GAREM1: variants seen among roughly 807,000 people sequenced by gnomAD.
GAREM1 encodes GRB2 associated regulator of MAPK1 subtype 1.
In GAREM1, 26 loss-of-function variants were observed where a neutral mutation model predicts 71.3. The observed-to-expected ratio is 0.36, with a 90% CI of 0.27 to 0.51. GAREM1 has a LOEUF of 0.51. GAREM1 is among the 20% of genes least tolerant of loss of function. GAREM1 has a pLI of 0.95. For synonymous variants in GAREM1, 440 were observed against 433.2 expected, an observed-to-expected ratio of 1.02 and a Z score of -0.20; for missense variants, 1,026 against 1,103.1, an observed-to-expected ratio of 0.93 and a Z score of 0.99.
chr18:32,396,296 G>A (rs1274091017), intron 1 of GAREM1, among the ~76,000 whole-genome samples: 38 of 152,184 alleles, frequency 2.5e-4, no homozygotes, highest in Admixed American at 2.5e-3. Context: ...GCCAGCAATG[G>A]AACAAAGGTG....
intron 4 of GAREM1, 89 bp downstream of exon 4, chr18:32,286,942 G>T (rs2047024346): frequency 1.1e-6 from 1 of 947,404 alleles, no homozygotes; most frequent in Admixed American, 2.1e-5. Context: ...GCAATCTTCA[G>T]TTGGGGAGTT....
chr18:32,364,323 C>A (rs990964764), intron 2 of GAREM1, among the ~76,000 whole-genome samples: 1 of 151,760 alleles, frequency 6.6e-6, no homozygotes, highest in African/African-American at 2.4e-5. Flanking sequence ...GCATGAGCCA[C>A]TACACCCGGC....
intron 2 of GAREM1, among the ~76,000 whole-genome samples, chr18:32,338,589 G>A (rs2047619230): frequency 6.6e-6 from 1 of 152,180 alleles, no homozygotes; most frequent in African/African-American, 2.4e-5. Flanking sequence ...CAACAGCAAA[G>A]CTCCTTAACA....
rs2041391220 is a variant in GAREM1, at chr18:32,267,574, A to G, written c.*297T>C. On this transcript the variant is annotated 3_prime_UTR_variant, in exon 6 of 6. Coordinates refer to ENST00000269209, the MANE Select transcript of GAREM1 (RefSeq NM_001242409.2). ...TGTAATAAATATCATACCTTCTCAC[A>G]TAAACCTACTTGGGTAAGAATGATT... The G allele has an allele frequency of 3.9e-6, 1 of 255,358 alleles. No individual in the cohort carries two copies. Among genetic ancestry groups the G allele is most frequent in the African/African-American group, 2.2e-5 (1 of 44,880 alleles). The allele number at this position is 255,358 out of a possible 1,614,324, so 15.8% of individuals were successfully genotyped here.
At chr18:32,328,096 A>G (rs2144551197) in intron 2 of GAREM1, among the ~76,000 whole-genome samples, 1 of 152,296 alleles carries the variant, frequency 6.6e-6, no homozygotes, top group African/African-American at 2.4e-5. Flanking sequence ...TTTCAAAGAT[A>G]TTTATTTATC....
At chr18:32,438,026 A>T (rs539677997) in intron 1 of GAREM1, among the ~76,000 whole-genome samples, 57 of 152,284 alleles carry the variant, frequency 3.7e-4, no homozygotes, top group Non-Finnish European at 7.1e-4. Context: ...CTAAAGTCTA[A>T]GATAAAAAAC....
At chr18:32,276,689 T>C (rs868407907) in intron 4 of GAREM1, among the ~76,000 whole-genome samples, 1 of 152,132 alleles carries the variant, frequency 6.6e-6, no homozygotes, top group Admixed American at 6.5e-5. Flanking sequence ...TGGGCTTAGA[T>C]GATGAAACAA....
At chr18:32,399,621 T>A (rs2048292008) in intron 1 of GAREM1, among the ~76,000 whole-genome samples, 1 of 152,094 alleles carries the variant, frequency 6.6e-6, no homozygotes, top group Non-Finnish European at 1.5e-5. Context: ...AGAAGGGAAG[T>A]GAAGGACCTC....
intron 1 of GAREM1, among the ~76,000 whole-genome samples, chr18:32,428,662 A>G (rs1209689008): frequency 2.0e-5 from 3 of 152,190 alleles, no homozygotes; most frequent in Non-Finnish European, 4.4e-5. Context: ...TCTTTTTTAA[A>G]TAAATTACTT....
intron 1 of GAREM1, among the ~76,000 whole-genome samples, chr18:32,408,028 T>C (rs1165559663): frequency 6.6e-6 from 1 of 152,116 alleles, no homozygotes; most frequent in Non-Finnish European, 1.5e-5. Flanking sequence ...AAGGAAGTAC[T>C]GTCTAAGCCT....
rs552504526 is a variant in GAREM1, at chr18:32,348,521, C to T, written c.263-38198G>A. Among the ~76,000 whole-genome samples the T allele has an allele frequency of 1.3e-3, 192 of 152,124 alleles. 1 individual carries two copies. Among genetic ancestry groups the T allele is most frequent in the African/African-American group, 4.4e-3 (184 of 41,486 alleles). On this transcript the variant is annotated intron_variant, in intron 2 of 5. Transcript: ENST00000269209. Reference sequence around the variant, plus strand: ...GGCAGATCACTTGAGGCCAGGAGTTCGAGACCAGCCTGGCCAACATGGTGA... The same window carrying T: ...GGCAGATCACTTGAGGCCAGGAGTTTGAGACCAGCCTGGCCAACATGGTGA...
At chr18:32,270,102 C>T (rs900507072) in intron 5 of GAREM1, 115 bp downstream of exon 5, 10 of 1,088,312 alleles carry the variant, frequency 9.2e-6, no homozygotes, top group Admixed American at 8.1e-5. Context: ...AATTAAAAAG[C>T]CATTTCCTCT....
At chr18:32,364,742 T>C (rs1408487898) in intron 2 of GAREM1, among the ~76,000 whole-genome samples, 1 of 152,204 alleles carries the variant, frequency 6.6e-6, no homozygotes, top group South Asian at 2.1e-4. Context: ...AGAAAAATTC[T>C]TTATGAACAC....
intron 3 of GAREM1, among the ~76,000 whole-genome samples, chr18:32,289,324 C>T (rs990107497): frequency 6.6e-6 from 1 of 152,144 alleles, no homozygotes; most frequent in Non-Finnish European, 1.5e-5. Flanking sequence ...ACTTTTATCA[C>T]TTTATGAAAT....
chr18:32,342,681 C>A (rs1414033821), intron 2 of GAREM1, among the ~76,000 whole-genome samples: 1 of 152,186 alleles, frequency 6.6e-6, no homozygotes, highest in Non-Finnish European at 1.5e-5. Flanking sequence ...TGAGGACACT[C>A]TTTGTTTGGA....
intron 2 of GAREM1, among the ~76,000 whole-genome samples, chr18:32,317,754 G>A (rs2047394276): frequency 6.7e-6 from 1 of 149,092 alleles, no homozygotes; most frequent in African/African-American, 2.5e-5. Context: ...TAAGTACTCT[G>A]GGAAAAATGC....
At chr18:32,441,633 C>G (rs1180829833) in intron 1 of GAREM1, among the ~76,000 whole-genome samples, 3 of 152,214 alleles carry the variant, frequency 2.0e-5, no homozygotes, top group Middle Eastern at 3.4e-3. Context: ...TCTCTTATAC[C>G]CAGAAACAAA....
Position 32,309,615 on chromosome 18 carries a change from C to CAAAAAAAAA in GAREM1, c.393+569_393+577dup, listed in dbSNP as rs11370938. ...TGGGTGACAGAGCAAGACTCAGTCT[C>CAAAAAAAAA]AAAAAAAAAAAAAAAAAAAAAAAAA... is the stretch of plus-strand genomic sequence containing the variant. On this transcript the variant is annotated intron_variant, in intron 3 of 5. Transcript: ENST00000269209. 5.0e-4 allele frequency among the ~76,000 whole-genome samples: 7 copies of CAAAAAAAAA among 13,862 alleles called. 1 individual carries two copies. Among genetic ancestry groups the CAAAAAAAAA allele is most frequent in the African/African-American group, 1.8e-3 (6 of 3,324 alleles). 9.1% of individuals were successfully genotyped at this position (13,862 alleles called of 152,430 possible). A position where few individuals can be genotyped will look rare whatever the true frequency, so the allele number is the denominator to read the frequency against.
rs548619670 is a variant in GAREM1, at chr18:32,286,588, A to G, written c.1566+443T>C. ...TTTCTTTGATTGCTCTCTTTTCTTC[A>G]TGCCTGACATCCAACTCACAAGTAA... On this transcript the variant is annotated intron_variant, in intron 4 of 5. Coordinates refer to ENST00000269209, the MANE Select transcript of GAREM1 (RefSeq NM_001242409.2). Among the ~76,000 whole-genome samples the G allele has an allele frequency of 1.6e-4, 25 of 152,208 alleles. No homozygotes were observed. In the South Asian group the frequency reaches 4.8e-3, roughly 29 times the overall value.
Sources: allele counts gnomAD v4.1 joint callset (sites outside exome capture counted in the v4.1 genomes callset), GRCh38; gene constraint gnomAD v4.1.1; transcripts MANE v1.5; gene names NCBI Gene and HGNC (gene_info 2026-07-23, HGNC 2026-07-21).